The following CDH4 variants were observed in gnomAD, a reference collection of about 807,000 sequenced individuals.
CDH4 encodes the protein cadherin 4.
In CDH4, 33 loss-of-function variants were observed where a neutral mutation model predicts 86.0. That is an observed-to-expected ratio of 0.38 (90% CI 0.29 to 0.51). CDH4 has a LOEUF of 0.51. Among genes scored for constraint, CDH4 ranks in the 20% least tolerant of loss-of-function variants. CDH4 has a pLI of 0.86. For missense variants in CDH4, 1,114 were observed against 1,307.4 expected, an observed-to-expected ratio of 0.85 and a Z score of 2.28; for synonymous variants, 555 against 549.4, an observed-to-expected ratio of 1.01 and a Z score of -0.14.
chr20:61,270,960 G>A (rs1485729229), intron 2 of CDH4, among the ~76,000 whole-genome samples: 2 of 152,142 alleles, frequency 1.3e-5, no homozygotes, highest in Admixed American at 6.5e-5. Flanking sequence ...TATTGCGGTC[G>A]ATCTAGCCGC....
chr20:61,362,799 C>T (rs28374143), intron 2 of CDH4, among the ~76,000 whole-genome samples: 19,066 of 152,094 alleles, frequency 0.13, 1,462 homozygotes, highest in East Asian at 0.22. Context: ...GAGGATCATG[C>T]GTTCTGTGTT....
intron 2 of CDH4, among the ~76,000 whole-genome samples, chr20:61,487,783 G>A (rs141732187): frequency 7.9e-5 from 12 of 152,284 alleles, no homozygotes; most frequent in African/African-American, 2.2e-4. Flanking sequence ...AGTTCACCCC[G>A]TGAGGACTTG....
chr20:61,897,414 ACTGACCAGCACTGATCAGCCACCAGCG>A (rs1403543402), intron 8 of CDH4, among the ~76,000 whole-genome samples: 1 of 151,892 alleles, frequency 6.6e-6, no homozygotes, highest in Non-Finnish European at 1.5e-5. Flanking sequence ...CAGCATAAGC[ACTGACCAGCACTGATCAGCCACCAGCG>A]CTGACCAGCC....
chr20:61,254,464 C>T (rs574542128), intron 1 of CDH4, among the ~76,000 whole-genome samples: 18 of 152,370 alleles, frequency 1.2e-4, no homozygotes, highest in African/African-American at 4.3e-4. Context: ...GCCTCCCTGC[C>T]CTTAGTGGCT....
intron 3 of CDH4, among the ~76,000 whole-genome samples, chr20:61,764,524 C>A (rs6061808): frequency 6.6e-6 from 1 of 151,912 alleles, no homozygotes; most frequent in Admixed American, 6.5e-5. Flanking sequence ...ACCATGAGAC[C>A]ACCCAGACCC....
chr20:61,528,783 G>T (rs1404794837), intron 2 of CDH4, among the ~76,000 whole-genome samples: 1 of 152,106 alleles, frequency 6.6e-6, no homozygotes, highest in Non-Finnish European at 1.5e-5. Context: ...TGCATCCTGG[G>T]CAGTGCGGGG....
intron 13 of CDH4, among the ~76,000 whole-genome samples, chr20:61,931,099 C>T (rs1003993151): frequency 6.6e-6 from 1 of 152,354 alleles, no homozygotes; most frequent in East Asian, 1.9e-4. Context: ...GGGGGGCACC[C>T]GGAGTGGCCT....
intron 2 of CDH4, among the ~76,000 whole-genome samples, chr20:61,691,968 T>A (rs1031284919): frequency 6.6e-6 from 1 of 152,256 alleles, no homozygotes; most frequent in Non-Finnish European, 1.5e-5. Context: ...TATCGGAATC[T>A]GCAAAGAAAT....
intron 2 of CDH4, among the ~76,000 whole-genome samples, chr20:61,265,182 C>T (rs945737235): frequency 2.1e-5 from 3 of 144,668 alleles, no homozygotes; most frequent in African/African-American, 5.2e-5. Flanking sequence ...TTACACATAC[C>T]TCAGTGGCTC....
chr20:61,573,063 T>TGGAC (rs1259073748), intron 2 of CDH4, among the ~76,000 whole-genome samples: 6 of 151,400 alleles, frequency 4.0e-5, no homozygotes, highest in Non-Finnish European at 8.9e-5. Flanking sequence ...GATGGATGGA[T>TGGAC]GGATGGATAG....
intron 2 of CDH4, among the ~76,000 whole-genome samples, chr20:61,652,938 A>ATTTTTT (rs763918382): frequency 2.3e-4 from 22 of 97,432 alleles, no homozygotes; most frequent in African/African-American, 7.4e-4. Flanking sequence ...TTATTTATTT[A>ATTTTTT]TTTTTTTTTT....
rs938457494 is a variant in CDH4, at chr20:61,684,181, G to A, written c.170-59382G>A. 3.3e-5 allele frequency among the ~76,000 whole-genome samples: 5 copies of A among 152,230 alleles called. No individual in the cohort carries two copies. The highest frequency in any genetic ancestry group is 7.3e-5 in the Non-Finnish European group (5 of 68,036). On this transcript the variant is annotated intron_variant, in intron 2 of 15. Coordinates refer to ENST00000614565, the MANE Select transcript of CDH4 (RefSeq NM_001794.5). The surrounding 1 kb of genome is among the most constrained non-coding windows in gnomAD (Gnocchi z 4.5). ...GCCAAACATTCTAGAAACCCCCAAA[G>A]GAATAAATGCAGCCGTTGCTGCTGG... is the stretch of plus-strand genomic sequence containing the variant.
chr20:61,840,083 G>A (rs909916523), intron 4 of CDH4, among the ~76,000 whole-genome samples: 1 of 152,090 alleles, frequency 6.6e-6, no homozygotes, highest in Non-Finnish European at 1.5e-5. Flanking sequence ...GCTCTACCCC[G>A]CAATGCTTAT....
intron 2 of CDH4, among the ~76,000 whole-genome samples, chr20:61,664,449 C>T (rs181661745): frequency 2.8e-4 from 42 of 152,318 alleles, no homozygotes; most frequent in Non-Finnish European, 4.4e-4. Context: ...GGCTGAACAC[C>T]GCGGCCTTTG....
chr20:61,538,939 T>A (rs909774526), intron 2 of CDH4, among the ~76,000 whole-genome samples: 1 of 152,196 alleles, frequency 6.6e-6, no homozygotes, highest in African/African-American at 2.4e-5. Context: ...GCTTCCTGCC[T>A]GATGCCAGGT....
intron 2 of CDH4, chr20:61,570,652 G>A (rs1316755331): frequency 2.8e-6 from 2 of 702,344 alleles, no homozygotes; most frequent in Non-Finnish European, 2.6e-6. Context: ...TTTCACAATG[G>A]TATTGGGCTG....
At chr20:61,413,862 C>T (rs1383961381) in intron 2 of CDH4, among the ~76,000 whole-genome samples, 3 of 152,188 alleles carry the variant, frequency 2.0e-5, no homozygotes, top group Admixed American at 1.3e-4. Context: ...CTATCTCCAT[C>T]GTGACAAAGA....
Position 61,252,402 on chromosome 20 carries a change from A to AGCG in CDH4, c.-96_-94dup, listed in dbSNP as rs1298926096. The AGCG allele has an allele frequency of 4.0e-5, 14 of 353,490 alleles. No homozygotes were observed. Among genetic ancestry groups the AGCG allele is most frequent in the African/African-American group, 1.5e-4 (6 of 39,006 alleles). The allele number at this position is 353,490 out of a possible 1,614,324, so 21.9% of individuals were successfully genotyped here. Reference sequence around the variant, plus strand: ...TGGAGGCTCCGGGCAGGCGCGGGGGAGCGGCGGCGGCGGCGGCGATCGGAG... The same window carrying AGCG: ...TGGAGGCTCCGGGCAGGCGCGGGGGAGCGGCGGCGGCGGCGGCGGCGATCGGAG... On this transcript the variant is annotated 5_prime_UTR_variant, in exon 1 of 16. Coordinates refer to ENST00000614565, the MANE Select transcript of CDH4 (RefSeq NM_001794.5). The surrounding 1 kb of genome is among the most constrained non-coding windows in gnomAD (Gnocchi z 4.4).
chr20:61,313,786 G>C (rs1266864637), intron 2 of CDH4, among the ~76,000 whole-genome samples: 1 of 152,196 alleles, frequency 6.6e-6, no homozygotes, highest in African/African-American at 2.4e-5. Context: ...ACCCAGGCTG[G>C]AGTGCAGTGG....
Sources: allele counts gnomAD v4.1 joint callset (sites outside exome capture counted in the v4.1 genomes callset), GRCh38; gene constraint gnomAD v4.1.1; non-coding constraint Gnocchi (gnomAD v3.1); transcripts MANE v1.5; gene names NCBI Gene and HGNC (gene_info 2026-07-23, HGNC 2026-07-21).